The following ANTXR1 variants were observed in gnomAD, a reference collection of about 807,000 sequenced individuals.
The protein encoded by ANTXR1 is ANTXR cell adhesion molecule 1, also known as anthrax toxin receptor 1.
ANTXR1 carries 19 observed loss-of-function variants against 78.1 expected under a neutral mutation model. That is an observed-to-expected ratio of 0.24 (90% CI 0.17 to 0.36). The LOEUF is 0.36. Ranked by LOEUF, ANTXR1 falls within the 10% of genes least tolerant of loss-of-function variation. ANTXR1 has a pLI of 1.00. For missense variants in ANTXR1, 518 were observed against 718.6 expected (o/e 0.72, Z 3.19); for synonymous variants, 273 against 260.5 (o/e 1.05, Z -0.46).
intron 13 of ANTXR1, among the ~76,000 whole-genome samples, chr2:69,164,529 A>G (rs1673775122): frequency 6.6e-6 from 1 of 152,230 alleles, no homozygotes; most frequent in South Asian, 2.1e-4. Context: ...AAGTATGCCC[A>G]TGTCTTCAAG....
intron 13 of ANTXR1, among the ~76,000 whole-genome samples, chr2:69,157,216 C>T (rs986429971): frequency 2.0e-5 from 3 of 152,254 alleles, no homozygotes; most frequent in African/African-American, 7.2e-5. Context: ...TGTCTGCTGG[C>T]TCTTCTCCTA....
In ANTXR1 at chr2:69,245,736, C is replaced by A; in HGVS notation, c.*251C>A. 2.0e-6 allele frequency: 1 copy of A among 489,856 alleles called. No individual in the cohort carries two copies. Among genetic ancestry groups the A allele is most frequent in the Non-Finnish European group, 3.6e-6 (1 of 278,662 alleles). 30.3% of individuals were successfully genotyped at this position (489,856 alleles called of 1,614,324 possible). A position where few individuals can be genotyped will look rare whatever the true frequency, so the allele number is the denominator to read the frequency against. ...GCCATCTATCACCTCTAGAAGGTTC[C>A]AGAGACAGTGAAACTGCAAGATGCT... On this transcript the variant is annotated 3_prime_UTR_variant, in exon 18 of 18. Transcript: ENST00000303714.
At chr2:69,211,702 G>A (rs1675048355) in intron 17 of ANTXR1, among the ~76,000 whole-genome samples, 1 of 152,218 alleles carries the variant, frequency 6.6e-6, no homozygotes, top group Non-Finnish European at 1.5e-5. Flanking sequence ...TTACTGATCT[G>A]TTTTCATAGA....
chr2:69,244,130 G>C (rs1405398487), intron 17 of ANTXR1, among the ~76,000 whole-genome samples: 2 of 152,238 alleles, frequency 1.3e-5, no homozygotes, highest in Non-Finnish European at 2.9e-5. Flanking sequence ...CTGGGGGACA[G>C]AGAAAGCATG....
intron 13 of ANTXR1, among the ~76,000 whole-genome samples, chr2:69,154,435 C>G (rs1424392612): frequency 1.3e-5 from 2 of 152,096 alleles, no homozygotes; most frequent in Non-Finnish European, 2.9e-5. Context: ...GGGTGATGCT[C>G]CAGAGCAGGG....
intron 3 of ANTXR1, among the ~76,000 whole-genome samples, chr2:69,070,389 G>T (rs146985862): frequency 1.4e-3 from 208 of 152,290 alleles, no homozygotes; most frequent in African/African-American, 4.8e-3. Flanking sequence ...ATTGTGTTAA[G>T]GGAAAGGAAA....
intron 17 of ANTXR1, among the ~76,000 whole-genome samples, chr2:69,197,624 G>T (rs994811009): frequency 1.3e-5 from 2 of 152,086 alleles, no homozygotes; most frequent in African/African-American, 4.8e-5. Context: ...ACAAAAAGTT[G>T]CTGGCCAGAC....
At chr2:69,040,214 G>GT in intron 2 of ANTXR1, 99 bp downstream of exon 2, 2 of 1,074,822 alleles carry the variant, frequency 1.9e-6, no homozygotes, top group South Asian at 1.3e-5. Context: ...CTTTGGGGAT[G>GT]TTTTTTGACT....
intron 3 of ANTXR1, among the ~76,000 whole-genome samples, chr2:69,049,490 AGT>A (rs953564811): frequency 5.1e-4 from 77 of 151,942 alleles, no homozygotes; most frequent in African/African-American, 1.8e-3. Flanking sequence ...TTTGCATTTT[AGT>A]AGAGACGGGG....
chr2:69,067,541 CTG>C (rs1670436848), intron 3 of ANTXR1, among the ~76,000 whole-genome samples: 1 of 148,958 alleles, frequency 6.7e-6, no homozygotes, highest in African/African-American at 2.5e-5. Flanking sequence ...CTTCACTAGT[CTG>C]TGACCAAAGA....
At chr2:69,087,307 C>T (rs537301717) in intron 8 of ANTXR1, among the ~76,000 whole-genome samples, 2 of 152,152 alleles carry the variant, frequency 1.3e-5, no homozygotes, top group African/African-American at 4.8e-5. Context: ...TTAATCTTCC[C>T]ACACAACAAC....
intron 3 of ANTXR1, among the ~76,000 whole-genome samples, chr2:69,061,844 G>A (rs1670255108): frequency 6.6e-6 from 1 of 152,190 alleles, no homozygotes; most frequent in Admixed American, 6.5e-5. Context: ...AGACAAATGT[G>A]TAGTCACAAA....
intron 12 of ANTXR1, among the ~76,000 whole-genome samples, chr2:69,138,554 G>A (rs1473629494): frequency 6.6e-6 from 1 of 152,122 alleles, no homozygotes; most frequent in Non-Finnish European, 1.5e-5. Flanking sequence ...CTTCCCTTTT[G>A]CAAAGCAGCC....
chr2:69,225,125 C>T (rs1675411443), intron 17 of ANTXR1, among the ~76,000 whole-genome samples: 1 of 152,138 alleles, frequency 6.6e-6, no homozygotes, highest in East Asian at 1.9e-4. Context: ...TTCCTATGTC[C>T]CTTTATCCCG....
At position 69,073,111 on chromosome 2, in the gene ANTXR1, G is replaced by A. The variant is rs10202939; in HGVS notation, c.492+10G>A. ...CTATTCAGAGAGGGAGGTAAGCAAC[G>A]GCCTGGCTGTGTCTAAACATATACA... On this transcript the variant is annotated intron_variant, in intron 6 of 17. Coordinates refer to ENST00000303714, the MANE Select transcript of ANTXR1 (RefSeq NM_032208.3). 0.1 allele frequency: 167,703 copies of A among 1,612,676 alleles called. 9,723 individuals carry two copies. Among genetic ancestry groups the A allele is most frequent in the East Asian group, 0.2 (9,054 of 44,850 alleles).
chr2:69,052,543 T>C (rs748144900), intron 3 of ANTXR1, among the ~76,000 whole-genome samples: 5 of 152,076 alleles, frequency 3.3e-5, no homozygotes, highest in Non-Finnish European at 7.4e-5. Flanking sequence ...ATAGAACTTT[T>C]CTCTTTATCA....
chr2:69,127,819 G>A (rs11892143), intron 12 of ANTXR1, among the ~76,000 whole-genome samples: 39,660 of 151,982 alleles, frequency 0.26, 5,814 homozygotes, highest in African/African-American at 0.39. Context: ...AAAGGATGGA[G>A]TTGCCATCAG....
intron 17 of ANTXR1, among the ~76,000 whole-genome samples, chr2:69,201,791 G>A (rs1457932550): frequency 6.6e-6 from 1 of 152,188 alleles, no homozygotes; most frequent in Non-Finnish European, 1.5e-5. Flanking sequence ...GGACAGCTTT[G>A]CGAGGGAAGA....
intron 17 of ANTXR1, among the ~76,000 whole-genome samples, chr2:69,204,864 C>T (rs556835767): frequency 9.9e-5 from 15 of 152,216 alleles, no homozygotes; most frequent in Non-Finnish European, 2.1e-4. Flanking sequence ...CTCTCCTGCA[C>T]AGGATGCTGT....
Sources: allele counts gnomAD v4.1 joint callset (sites outside exome capture counted in the v4.1 genomes callset), GRCh38; gene constraint gnomAD v4.1.1; transcripts MANE v1.5; gene names NCBI Gene and HGNC (gene_info 2026-07-23, HGNC 2026-07-21).